The following RIMS2 variants were observed in gnomAD, a reference collection of about 807,000 sequenced individuals.
The protein encoded by RIMS2 is regulating synaptic membrane exocytosis 2, also known as regulating synaptic membrane exocytosis protein 2.
RIMS2 carries 59 observed loss-of-function variants against 174.4 expected under a neutral mutation model. That is an observed-to-expected ratio of 0.34 (90% CI 0.27 to 0.42). RIMS2 has a LOEUF of 0.42. Among genes scored for constraint, RIMS2 ranks in the 10% least tolerant of loss-of-function variants. The pLI, the probability that RIMS2 is intolerant of heterozygous loss-of-function variation, is 1.00. For synonymous variants in RIMS2, 606 were observed against 572.5 expected (o/e 1.06, Z -0.84); for missense variants, 1,620 against 1,666.3 (o/e 0.97, Z 0.48).
At chr8:104,161,374 G>T (rs902559210) in intron 19 of RIMS2, among the ~76,000 whole-genome samples, 2 of 152,124 alleles carry the variant, frequency 1.3e-5, no homozygotes, top group African/African-American at 4.8e-5. Context: ...TGTATGAGCA[G>T]ACAGAGAGTA....
intron 3 of RIMS2, among the ~76,000 whole-genome samples, chr8:103,870,404 A>C (rs572541169): frequency 6.6e-6 from 1 of 150,688 alleles, no homozygotes. Context: ...CCACCACTAC[A>C]CCACTGCAAT....
downstream of RIMS2, chr8:104,254,196 A>G (rs1342067013): frequency 1.1e-5 from 1 of 93,818 alleles, no homozygotes; most frequent in East Asian, 3.5e-4. Flanking sequence ...ATTTATTTAA[A>G]AGTTGGTGTT....
chr8:103,931,560 T>C (rs1302999201), intron 12 of RIMS2, among the ~76,000 whole-genome samples, 167 bp downstream of exon 14: 1 of 152,054 alleles, frequency 6.6e-6, no homozygotes, highest in Non-Finnish European at 1.5e-5. Context: ...GTAAATAAGA[T>C]TTTTTAAAAC....
At chr8:103,553,771 T>A (rs1009713686) in intron 1 of RIMS2, among the ~76,000 whole-genome samples, 3 of 152,058 alleles carry the variant, frequency 2.0e-5, no homozygotes, top group Admixed American at 6.6e-5. Flanking sequence ...AAAACAAAGC[T>A]GAAGGCATCA....
intron 2 of RIMS2, among the ~76,000 whole-genome samples, chr8:103,759,693 A>G (rs891999016): frequency 6.6e-6 from 1 of 152,100 alleles, no homozygotes; most frequent in Admixed American, 6.6e-5. Context: ...CATGACACCT[A>G]TCTATAGTGA....
intron 1 of RIMS2, among the ~76,000 whole-genome samples, chr8:103,573,107 T>A (rs2092955524): frequency 6.6e-6 from 1 of 152,072 alleles, no homozygotes; most frequent in Non-Finnish European, 1.5e-5. Flanking sequence ...TTGTCCAGGC[T>A]GGATGTGGTG....
chr8:103,937,308 A>G (rs920150075), intron 13 of RIMS2, among the ~76,000 whole-genome samples: 1 of 152,128 alleles, frequency 6.6e-6, no homozygotes, highest in Non-Finnish European at 1.5e-5. Flanking sequence ...TTGAATGATA[A>G]AAGGTTTGTA....
At chr8:103,789,749 C>CTTTTTTTTT (rs11354049) in intron 3 of RIMS2, among the ~76,000 whole-genome samples, 1,088 of 85,078 alleles carry the variant, frequency 0.013, 24 homozygotes, top group Middle Eastern at 0.015. Context: ...GGATTGTACT[C>CTTTTTTTTT]TTTTTTTTTT....
At chr8:104,084,296 C>A (rs2097490545) in intron 19 of RIMS2, among the ~76,000 whole-genome samples, 1 of 151,794 alleles carries the variant, frequency 6.6e-6, no homozygotes, top group African/African-American at 2.4e-5. Context: ...CAAAAATTAG[C>A]CGGGTGTGGT....
chr8:103,630,617 A>G (rs190426658), intron 1 of RIMS2, among the ~76,000 whole-genome samples: 11 of 151,376 alleles, frequency 7.3e-5, no homozygotes, highest in Non-Finnish European at 1.0e-4. Context: ...AAAGATGTCT[A>G]CATGCTACTT....
At chr8:104,181,562 T>G (rs2098939909) in intron 19 of RIMS2, among the ~76,000 whole-genome samples, 1 of 151,656 alleles carries the variant, frequency 6.6e-6, no homozygotes, top group Non-Finnish European at 1.5e-5. Flanking sequence ...GTAAAAATTT[T>G]GGGAAAAATT....
intron 19 of RIMS2, among the ~76,000 whole-genome samples, chr8:104,019,098 T>A (rs2096012003): frequency 6.6e-6 from 1 of 152,268 alleles, no homozygotes; most frequent in Middle Eastern, 3.4e-3. Flanking sequence ...CTTGGGAGAC[T>A]GAAGCAGGAG....
intron 16 of RIMS2, among the ~76,000 whole-genome samples, chr8:103,980,901 A>G (rs1442263110): frequency 6.6e-6 from 1 of 152,160 alleles, no homozygotes; most frequent in Non-Finnish European, 1.5e-5. Context: ...GTGCCACCTT[A>G]GCCACAGTAG....
intron 19 of RIMS2, among the ~76,000 whole-genome samples, chr8:104,146,785 C>T (rs2098643871): frequency 6.6e-6 from 1 of 152,154 alleles, no homozygotes; most frequent in Non-Finnish European, 1.5e-5. Flanking sequence ...ACTGCAATCT[C>T]AACATCTCGG....
rs184363491 is a variant in RIMS2 at position 103,578,952 on chromosome 8, T to G, written c.176+77890T>G. 1.6e-3 allele frequency among the ~76,000 whole-genome samples: 239 copies of G among 151,596 alleles called. 2 individuals carry two copies. The highest frequency in any genetic ancestry group is 5.3e-3 in the African/African-American group (217 of 41,244). ...TTGCACTGAGCTGAGAATGCACCATTGCACTGCAGCCTGGACAACAGAGCA... is the reference window on the plus strand; with the variant it reads ...TTGCACTGAGCTGAGAATGCACCATGGCACTGCAGCCTGGACAACAGAGCA... On this transcript the variant is annotated intron_variant, in intron 1 of 23. Transcript: ENST00000504942.
intron 1 of RIMS2, among the ~76,000 whole-genome samples, chr8:103,609,223 T>G (rs1401237465): frequency 6.6e-6 from 1 of 152,202 alleles, no homozygotes; most frequent in Non-Finnish European, 1.5e-5. Flanking sequence ...TGCTTGTAGA[T>G]TTGTCTAAGT....
chr8:103,725,793 G>C (rs2138641614), intron 2 of RIMS2, among the ~76,000 whole-genome samples: 1 of 152,254 alleles, frequency 6.6e-6, no homozygotes, highest in South Asian at 2.1e-4. Context: ...GTTTTGCAAA[G>C]GTCATATACA....
chr8:103,646,786 T>A lies in RIMS2; in HGVS notation c.177-50300T>A, dbSNP rs569689506. 8.5e-4 allele frequency among the ~76,000 whole-genome samples: 130 copies of A among 152,136 alleles called. 1 individual carries two copies. The highest frequency in any genetic ancestry group is 1.4e-3 in the Non-Finnish European group (96 of 67,988). On this transcript the variant is annotated intron_variant, in intron 1 of 23. Transcript: ENST00000504942. ...GGATCATGTCATCTGCAAACAGAGA[T>A]AATTTGACTTCCTCTCTTCCTATTT...
At chr8:103,521,780 G>A (rs1179928469) in intron 1 of RIMS2, among the ~76,000 whole-genome samples, 1 of 151,450 alleles carries the variant, frequency 6.6e-6, no homozygotes, top group Non-Finnish European at 1.5e-5. Context: ...GGAGATTTGG[G>A]GATAAAGATG....
Sources: allele counts gnomAD v4.1 joint callset (sites outside exome capture counted in the v4.1 genomes callset), GRCh38; gene constraint gnomAD v4.1.1; transcripts MANE v1.5; gene names NCBI Gene and HGNC (gene_info 2026-07-23, HGNC 2026-07-21).